IGSF21: variants seen among roughly 807,000 people sequenced by gnomAD.
IGSF21 encodes the protein immunoglobin superfamily member 21, also known as immunoglobulin superfamily member 21.
In IGSF21, 28 loss-of-function variants were observed where a neutral mutation model predicts 46.8. That is an observed-to-expected ratio of 0.60 (90% CI 0.44 to 0.82). The LOEUF (loss-of-function observed/expected upper bound fraction) is 0.82, where lower values mean the gene tolerates loss of function less well. IGSF21 is among the 40% of genes least tolerant of loss of function. IGSF21 has a pLI of 0.00. For missense variants in IGSF21, 624 were observed against 665.5 expected (o/e 0.94, Z 0.69); for synonymous variants, 284 against 273.6 (o/e 1.04, Z -0.38).
In IGSF21 at chr1:18,210,081, G is replaced by A. The variant is rs927508919; in HGVS notation, c.71-17817G>A. Reference sequence around the variant, plus strand: ...AATCAGGTACAAATAGCCTTCGGGTGACATCCAGGCACTCTATAACCATGC... The same window carrying A: ...AATCAGGTACAAATAGCCTTCGGGTAACATCCAGGCACTCTATAACCATGC... On this transcript the variant is annotated intron_variant, in intron 1 of 9. Transcript: ENST00000251296. 8.5e-5 allele frequency among the ~76,000 whole-genome samples: 13 copies of A among 152,300 alleles called. No homozygotes were observed. The East Asian group carries it at 2.5e-3, about 29-fold the overall frequency.
chr1:18,264,204 C>T (rs1217287334), intron 2 of IGSF21, among the ~76,000 whole-genome samples: 1 of 152,148 alleles, frequency 6.6e-6, no homozygotes, highest in Non-Finnish European at 1.5e-5. Flanking sequence ...GGCCCTATTT[C>T]CCCCTCTCTC....
At chr1:18,280,014 G>A (rs1367895759) in intron 2 of IGSF21, among the ~76,000 whole-genome samples, 3 of 152,226 alleles carry the variant, frequency 2.0e-5, no homozygotes, top group Non-Finnish European at 4.4e-5. Flanking sequence ...CAGCCAGACT[G>A]GTACAAGCTG....
chr1:18,137,387 A>G (rs901846036), intron 1 of IGSF21, among the ~76,000 whole-genome samples: 11 of 152,164 alleles, frequency 7.2e-5, no homozygotes, highest in Non-Finnish European at 1.5e-4. Flanking sequence ...GTGGGGACAC[A>G]CATCCACCTG....
chr1:18,278,744 T>C (rs1241829988), intron 2 of IGSF21: 3 of 441,818 alleles, frequency 6.8e-6, no homozygotes, highest in African/African-American at 4.1e-5. Context: ...TTTGTAGAGA[T>C]GGGGTTTCAC....
At chr1:18,359,043 C>T (rs2086054708) in intron 4 of IGSF21, among the ~76,000 whole-genome samples, 3 of 152,064 alleles carry the variant, frequency 2.0e-5, no homozygotes, top group Admixed American at 2.0e-4. Context: ...TTGGGAGGAT[C>T]GTTTGAGGCC....
intron 1 of IGSF21, among the ~76,000 whole-genome samples, chr1:18,127,315 G>A (rs1180744540): frequency 2.0e-5 from 3 of 152,224 alleles, no homozygotes; most frequent in Admixed American, 2.0e-4. Flanking sequence ...GTGGGATAGT[G>A]AGGGACTCGG....
intron 2 of IGSF21, among the ~76,000 whole-genome samples, chr1:18,241,026 A>G (rs992923293): frequency 2.0e-5 from 3 of 152,136 alleles, no homozygotes; most frequent in Non-Finnish European, 4.4e-5. Flanking sequence ...GGGTTATGTG[A>G]CTGTTCTGAG....
chr1:18,121,069 C>T (rs748785856), intron 1 of IGSF21, among the ~76,000 whole-genome samples: 2 of 152,158 alleles, frequency 1.3e-5, no homozygotes, highest in Non-Finnish European at 2.9e-5. Flanking sequence ...TCATGTGCAG[C>T]CTGGTCCACA....
In IGSF21 at chr1:18,365,580, G is replaced by A; in HGVS notation, c.898G>A (p.Glu300Lys). ...CACCCCGAGCAGTGACGGCACTGTGGAAGTACGTGCCCTGCTCACCTGGAC... is the reference window on the plus strand; with the variant it reads ...CACCCCGAGCAGTGACGGCACTGTGAAAGTACGTGCCCTGCTCACCTGGAC... ...SRTPSSDGTV[E>K]VRALLTWTLN... Residue 300 changes from glutamate to lysine, a missense_variant, in exon 6 of 10, where the codon GAA becomes AAA. Coordinates refer to ENST00000251296, the MANE Select transcript of IGSF21 (RefSeq NM_032880.5). This position sits in a 1 kb window ranked among gnomAD's most constrained non-coding sequence, Gnocchi z 4.8. 6.2e-7 allele frequency: 1 copy of A among 1,614,188 alleles called. No homozygotes were observed. The highest frequency in any genetic ancestry group is 1.3e-5 in the African/African-American group (1 of 75,044).
At chr1:18,257,140 C>T (rs191089186) in intron 2 of IGSF21, among the ~76,000 whole-genome samples, 223 of 152,308 alleles carry the variant, frequency 1.5e-3, no homozygotes, top group Middle Eastern at 3.4e-3. Flanking sequence ...GCAAATTATA[C>T]TCTTTATTCT....
chr1:18,377,274 T>A, intron 8 of IGSF21, 119 bp from the exon 9 acceptor site: 1 of 953,236 alleles, frequency 1.0e-6, no homozygotes, highest in Non-Finnish European at 1.7e-6. Context: ...GAAGGTTGTG[T>A]GGCTGCACTG....
At chr1:18,375,855 G>A (rs1358751560) in intron 6 of IGSF21, 2 of 186,046 alleles carry the variant, frequency 1.1e-5, no homozygotes, top group Non-Finnish European at 2.3e-5. Context: ...CAAGGGGGTA[G>A]CGTGGGTGGG....
intron 4 of IGSF21, among the ~76,000 whole-genome samples, chr1:18,360,963 T>G (rs916900868): frequency 1.8e-4 from 25 of 142,356 alleles, no homozygotes; most frequent in African/African-American, 5.9e-4. Flanking sequence ...CCCTGCCCCT[T>G]GCGATGCCCC....
Position 18,378,358 on chromosome 1 carries a change from T to C in IGSF21, c.*32T>C. ...CCGCCCCGGCCACTCCATCAGGCAC[T>C]GACATCTCCACGACCGGTTTTCATT... is the stretch of plus-strand genomic sequence containing the variant. On this transcript the variant is annotated 3_prime_UTR_variant, in exon 10 of 10. Coordinates refer to ENST00000251296, the MANE Select transcript of IGSF21 (RefSeq NM_032880.5). 1 of 1,568,784 alleles carries C rather than the reference T, an allele frequency of 6.4e-7. No homozygotes were observed. The highest frequency in any genetic ancestry group is 1.1e-5 in the South Asian group (1 of 89,868).
chr1:18,254,134 C>A (rs1468455211), intron 2 of IGSF21, among the ~76,000 whole-genome samples: 1 of 152,190 alleles, frequency 6.6e-6, no homozygotes, highest in Admixed American at 6.5e-5. Context: ...CTACCCAGTT[C>A]ATGCTTGTAG....
intron 1 of IGSF21, among the ~76,000 whole-genome samples, chr1:18,148,905 C>T (rs949384397): frequency 1.3e-5 from 2 of 152,208 alleles, no homozygotes; most frequent in African/African-American, 4.8e-5. Context: ...CCCTCCTGCC[C>T]CTGCACACAC....
chr1:18,210,382 C>T (rs2124490224), intron 1 of IGSF21, among the ~76,000 whole-genome samples: 1 of 152,278 alleles, frequency 6.6e-6, no homozygotes, highest in Non-Finnish European at 1.5e-5. Flanking sequence ...AAATATGTTC[C>T]AGAGAGCAGG....
At chr1:18,280,557 A>G (rs916836690) in intron 2 of IGSF21, among the ~76,000 whole-genome samples, 3 of 152,188 alleles carry the variant, frequency 2.0e-5, no homozygotes, top group African/African-American at 7.2e-5. Context: ...AGCACTTTAT[A>G]GGGAAGAACC....
chr1:18,199,941 G>C (rs1226895043), intron 1 of IGSF21, among the ~76,000 whole-genome samples: 3 of 151,560 alleles, frequency 2.0e-5, no homozygotes. Context: ...TGCATTGTGT[G>C]AGCAGGGTAA....
Sources: allele counts gnomAD v4.1 joint callset (sites outside exome capture counted in the v4.1 genomes callset), GRCh38; gene constraint gnomAD v4.1.1; non-coding constraint Gnocchi (gnomAD v3.1); transcripts MANE v1.5; gene names NCBI Gene and HGNC (gene_info 2026-07-23, HGNC 2026-07-21).